HEPHL1: variants seen among roughly 807,000 people sequenced by gnomAD.
HEPHL1 encodes ferroxidase HEPHL1.
Under a neutral mutation model 122.0 loss-of-function variants are expected in HEPHL1, and 123 were observed. The observed-to-expected ratio is 1.01, with a 90% CI of 0.87 to 1.17. The LOEUF (loss-of-function observed/expected upper bound fraction) is 1.17, where lower values mean the gene tolerates loss of function less well. HEPHL1 is among the 50% of genes most tolerant of loss of function. The pLI, the probability that HEPHL1 is intolerant of heterozygous loss-of-function variation, is 0.00. For missense variants in HEPHL1, 1,452 were observed against 1,430.5 expected (o/e 1.01, Z -0.24); for synonymous variants, 527 against 508.9 (o/e 1.04, Z -0.48).
intron 2 of HEPHL1, among the ~76,000 whole-genome samples, chr11:94,051,434 T>C (rs1465260204): frequency 6.6e-6 from 1 of 152,178 alleles, no homozygotes; most frequent in Non-Finnish European, 1.5e-5. Flanking sequence ...TACACCTGTT[T>C]ACCATTTGTA....
intron 2 of HEPHL1, among the ~76,000 whole-genome samples, chr11:94,051,199 C>G (rs141655325): frequency 2.0e-5 from 3 of 152,212 alleles, no homozygotes; most frequent in African/African-American, 7.2e-5. Flanking sequence ...CATGATAGCT[C>G]TGTTTTTAGT....
chr11:94,111,026 G>A lies in HEPHL1; in HGVS notation c.3169G>A (p.Ala1057Thr). Residue 1057 changes from alanine to threonine, a missense_variant, in exon 18 of 20, where the codon GCT becomes ACT. Ala to Thr is a moderately conservative substitution (Grantham distance 58, BLOSUM62 0). Transcript: ENST00000315765. ...LHCHVSDHIH[A>T]GMETTYTVLR... ...CTGTCATGTGTCTGACCACATCCAT[G>A]CTGGCATGGAGACAACCTACACGGT... 6.2e-7 allele frequency: 1 copy of A among 1,607,146 alleles called. No homozygotes were observed. Among genetic ancestry groups the A allele is most frequent in the Non-Finnish European group, 8.5e-7 (1 of 1,176,310 alleles).
At chr11:94,085,881 T>C in intron 10 of HEPHL1, 96 bp from the exon 11 acceptor site, 1 of 890,276 alleles carries the variant, frequency 1.1e-6, no homozygotes, top group East Asian at 2.6e-5. Flanking sequence ...GTTTATTCTC[T>C]GAAAACAAGG....
chr11:94,106,094 T>C lies in HEPHL1; in HGVS notation c.3009T>C (p.His1003=), dbSNP rs1946406388. Residue 1003 remains histidine (H), a synonymous_variant, in exon 17 of 20, where the codon CAT becomes CAC. Coordinates refer to ENST00000315765, the MANE Select transcript of HEPHL1 (RefSeq NM_001098672.2). ...LLGIGSEVDI[H]TIHYHAESFL... is the part of the protein sequence containing the mutation. ...GGATAGGAAGTGAAGTGGACATACA[T>C]ACCATCCATTATCATGCTGAGAGCT... 3 of 1,589,352 alleles carry C rather than the reference T, an allele frequency of 1.9e-6. No individual in the cohort carries two copies. The highest frequency in any genetic ancestry group is 3.4e-4 in the Middle Eastern group (2 of 5,964).
intron 1 of HEPHL1, among the ~76,000 whole-genome samples, chr11:94,034,802 G>T (rs1228804387): frequency 1.3e-5 from 2 of 152,174 alleles, no homozygotes; most frequent in Non-Finnish European, 2.9e-5. Flanking sequence ...CCCCAAATCA[G>T]GCATGAAGTT....
Position 94,045,874 on chromosome 11 carries a change from C to T in HEPHL1, c.372C>T (p.Tyr124=), listed in dbSNP as rs1295782593. 3 of 1,613,828 alleles carry T rather than the reference C, an allele frequency of 1.9e-6. No homozygotes were observed. The highest frequency in any genetic ancestry group is 2.5e-6 in the Non-Finnish European group (3 of 1,179,796). The change falls in exon 2 of 20, where the codon TAC becomes TAT. Residue 124 remains tyrosine, a synonymous_variant. Coordinates refer to ENST00000315765, the MANE Select transcript of HEPHL1 (RefSeq NM_001098672.2). ...TAAAGAACTTTGCTTCTCGACCTTA[C>T]TCTCTGCATCCACATGGCGTTTTCT... ...IHLKNFASRP[Y]SLHPHGVFYN...
rs1945810446 is a variant in HEPHL1 at position 94,043,968 on chromosome 11, A to G, written c.171-1705A>G. The stretch of plus-strand genomic sequence containing the variant: ...ACTGAGAGAGAATAAATGCACGGAC[A>G]CTTGCAGGAGTGTGTCTCAGAGTAA... On this transcript the variant is annotated intron_variant, in intron 1 of 19. Transcript: ENST00000315765. Among the ~76,000 whole-genome samples the G allele has an allele frequency of 2.0e-5, 3 of 151,970 alleles. No individual in the cohort carries two copies. The South Asian group carries it at 6.2e-4, about 31-fold the overall frequency.
intron 12 of HEPHL1, among the ~76,000 whole-genome samples, chr11:94,089,809 T>C (rs75821177): frequency 0.025 from 3,834 of 152,220 alleles, 165 homozygotes; most frequent in African/African-American, 0.088. Context: ...CAACTAGACA[T>C]TGGCAGAGTT....
At chr11:94,082,658 G>T in intron 10 of HEPHL1, 90 bp downstream of exon 10, 1 of 1,287,518 alleles carries the variant, frequency 7.8e-7, no homozygotes, top group South Asian at 1.5e-5. Flanking sequence ...TATTAATTTT[G>T]GTTTCTTGGA....
intron 1 of HEPHL1, among the ~76,000 whole-genome samples, chr11:94,034,536 G>T (rs540263151): frequency 6.6e-6 from 1 of 152,108 alleles, no homozygotes; most frequent in Non-Finnish European, 1.5e-5. Flanking sequence ...AGCTAACAAA[G>T]ATTCATTATT....
At chr11:94,061,938 A>G (rs1945987981) in intron 2 of HEPHL1, among the ~76,000 whole-genome samples, 1 of 152,122 alleles carries the variant, frequency 6.6e-6, no homozygotes. Context: ...ATGAAAGAGT[A>G]TAAGCTAATT....
intron 1 of HEPHL1, among the ~76,000 whole-genome samples, chr11:94,025,978 G>A (rs573289165): frequency 1.3e-5 from 2 of 152,270 alleles, no homozygotes; most frequent in African/African-American, 2.4e-5. Context: ...GGAGTATAAT[G>A]TCTTTAACAA....
At chr11:94,083,174 A>G (rs1946186576) in intron 10 of HEPHL1, among the ~76,000 whole-genome samples, 1 of 152,238 alleles carries the variant, frequency 6.6e-6, no homozygotes, top group Non-Finnish European at 1.5e-5. Context: ...TTGGGTTCAC[A>G]ATAACATTAA....
At chr11:94,091,668 C>A (rs55915145) in intron 12 of HEPHL1, among the ~76,000 whole-genome samples, 3,818 of 152,144 alleles carry the variant, frequency 0.025, 164 homozygotes, top group African/African-American at 0.088. Context: ...TAGAGTGCAA[C>A]AGGAGATATG....
chr11:94,088,451 A>C (rs1215193773), intron 11 of HEPHL1, among the ~76,000 whole-genome samples: 1 of 152,204 alleles, frequency 6.6e-6, no homozygotes, highest in Non-Finnish European at 1.5e-5. Flanking sequence ...TCCAGGACAG[A>C]CTGTCTTCTA....
intron 1 of HEPHL1, among the ~76,000 whole-genome samples, chr11:94,033,129 A>G (rs1384208396): frequency 6.6e-6 from 1 of 152,136 alleles, no homozygotes; most frequent in African/African-American, 2.4e-5. Context: ...GCCCTCTTCC[A>G]AGGGTGCTTT....
Position 94,101,301 on chromosome 11 carries a change from T to C in HEPHL1, c.2541T>C (p.Ser847=), listed in dbSNP as rs1435807957. Residue 847 remains serine, a synonymous_variant, in exon 14 of 20, where the codon AGT becomes AGC. Coordinates refer to ENST00000315765, the MANE Select transcript of HEPHL1 (RefSeq NM_001098672.2). ...ISAQGVEEMD[S]GKQFQVPMTK... ...CCCAGGGTGTGGAGGAGATGGATAG[T>C]GGAAAGCAATTCCAAGTGCCCATGA... The C allele has an allele frequency of 6.2e-7, 1 of 1,613,664 alleles. No homozygotes were observed. The highest frequency in any genetic ancestry group is 1.3e-5 in the African/African-American group (1 of 75,038).
chr11:94,079,882 A>G (rs1260907401), intron 9 of HEPHL1, among the ~76,000 whole-genome samples: 3 of 152,188 alleles, frequency 2.0e-5, no homozygotes, highest in Non-Finnish European at 4.4e-5. Context: ...TGTTAGAGAC[A>G]GGAAAGCATT....
rs1333071104 is a variant in HEPHL1, at chr11:94,045,750, C to T, written c.248C>T (p.Thr83Met). ...AAAAAGGCTGTTTACAGACGCTTCACGGATGGAACCTACTCCATAGAGATC... is the reference window on the plus strand; with the variant it reads ...AAAAAGGCTGTTTACAGACGCTTCATGGATGGAACCTACTCCATAGAGATC... ...IYKKAVYRRF[T>M]DGTYSIEIPK... Residue 83 changes from threonine to methionine, a missense_variant, in exon 2 of 20, where the codon ACG (threonine) becomes ATG (methionine). Thr to Met is a moderately conservative substitution (Grantham distance 81). Coordinates refer to ENST00000315765, the MANE Select transcript of HEPHL1 (RefSeq NM_001098672.2). 17 of 1,613,714 alleles carry T rather than the reference C, an allele frequency of 1.1e-5. No homozygotes were observed. Among genetic ancestry groups the T allele is most frequent in the Non-Finnish European group, 1.4e-5 (16 of 1,179,840 alleles).
Sources: gnomAD v4.1 joint callset for allele counts (sites outside exome capture counted in the v4.1 genomes callset) on GRCh38, gnomAD v4.1.1 for gene constraint, MANE v1.5 for transcripts, NCBI Gene and HGNC (gene_info 2026-07-23, HGNC 2026-07-21) for gene names.